The following CCDC7 variants were observed in gnomAD, a reference collection of about 807,000 sequenced individuals.
CCDC7 encodes the protein coiled-coil domain-containing protein 7.
Under a neutral mutation model 196.9 loss-of-function variants are expected in CCDC7, and 183 were observed. That is an observed-to-expected ratio of 0.93 (90% CI 0.82 to 1.05). The LOEUF is 1.05. CCDC7 is among the 50% of genes least tolerant of loss of function. CCDC7 has a pLI of 0.00. For synonymous variants in CCDC7, 525 were observed against 484.6 expected, an observed-to-expected ratio of 1.08 and a Z score of -1.10; for missense variants, 1,540 against 1,482.2, an observed-to-expected ratio of 1.04 and a Z score of -0.64.
At chr10:32,569,483 A>G (rs557572106) in intron 15 of CCDC7, among the ~76,000 whole-genome samples, 80 of 152,106 alleles carry the variant, frequency 5.3e-4, no homozygotes, top group Non-Finnish European at 5.1e-4. Flanking sequence ...CCAGAGTGCA[A>G]TGGTGTGATC....
chr10:32,591,720 C>T (rs2059799709), intron 18 of CCDC7, among the ~76,000 whole-genome samples: 1 of 152,094 alleles, frequency 6.6e-6, no homozygotes, highest in Non-Finnish European at 1.5e-5. Context: ...GGGAGTGCTG[C>T]CAGGGTGTTA....
intron 5 of CCDC7, among the ~76,000 whole-genome samples, chr10:32,468,644 C>T (rs2037332694): frequency 6.6e-6 from 1 of 152,082 alleles, no homozygotes; most frequent in South Asian, 2.1e-4. Context: ...GGAGAGGGCA[C>T]CTCAAGGAAT....
intron 20 of CCDC7, among the ~76,000 whole-genome samples, chr10:32,658,535 C>T (rs1320209813): frequency 6.6e-6 from 1 of 152,184 alleles, no homozygotes; most frequent in Non-Finnish European, 1.5e-5. Flanking sequence ...TGCTGGGTCC[C>T]TCCCATGACA....
At chr10:32,742,850 G>A (rs190759042) in intron 28 of CCDC7, among the ~76,000 whole-genome samples, 8 of 152,240 alleles carry the variant, frequency 5.3e-5, no homozygotes, top group East Asian at 1.9e-4. Flanking sequence ...AATTATCTCC[G>A]TGAGGGCATA....
upstream of CCDC7, among the ~76,000 whole-genome samples, chr10:32,445,778 T>G (rs953748080): frequency 6.6e-6 from 1 of 152,196 alleles, no homozygotes; most frequent in Non-Finnish European, 1.5e-5. Context: ...GGTAATGAAC[T>G]CCACAATACA....
intron 20 of CCDC7, among the ~76,000 whole-genome samples, chr10:32,654,486 T>C (rs188284868): frequency 2.4e-4 from 37 of 152,340 alleles, no homozygotes; most frequent in African/African-American, 8.7e-4. Flanking sequence ...GTTTTTGTTA[T>C]TTGTTTGATT....
intron 21 of CCDC7, among the ~76,000 whole-genome samples, chr10:32,684,610 C>A (rs2076251678): frequency 6.6e-6 from 1 of 152,214 alleles, no homozygotes; most frequent in Admixed American, 6.5e-5. Flanking sequence ...AGTTGAAGAG[C>A]CACTTGCCAC....
chr10:32,812,539 A>G (rs2087389836), intron 30 of CCDC7, among the ~76,000 whole-genome samples: 1 of 152,096 alleles, frequency 6.6e-6, no homozygotes, highest in Admixed American at 6.6e-5. Context: ...TACTTTTTAA[A>G]CTTGACTGTG....
At chr10:32,718,118 G>A (rs1425900595) in intron 25 of CCDC7, among the ~76,000 whole-genome samples, 1 of 152,040 alleles carries the variant, frequency 6.6e-6, no homozygotes, top group East Asian at 1.9e-4. Context: ...GATGAACATC[G>A]ATGCGAAAAT....
Position 32,663,658 on chromosome 10 carries a change from A to G in CCDC7, c.2015-396A>G, listed in dbSNP as rs575872568. Among the ~76,000 whole-genome samples the G allele has an allele frequency of 6.6e-5, 10 of 152,202 alleles. No individual in the cohort carries two copies. In the South Asian group the frequency reaches 1.2e-3, roughly 19 times the overall value. ...GATAATACCACAAATTATAATATAT[A>G]CCTTTTTATTAACCAATTTCATATG... is the stretch of plus-strand genomic sequence containing the variant. On this transcript the variant is annotated intron_variant, in intron 20 of 41. Transcript: ENST00000639629.
intron 28 of CCDC7, among the ~76,000 whole-genome samples, chr10:32,730,098 C>T (rs1044980935): frequency 6.6e-6 from 1 of 152,014 alleles, no homozygotes; most frequent in African/African-American, 2.4e-5. Context: ...ACCCATCATC[C>T]AGGTATTAAG....
chr10:32,792,783 G>C (rs1459552539), intron 29 of CCDC7, among the ~76,000 whole-genome samples: 1 of 152,176 alleles, frequency 6.6e-6, no homozygotes, highest in Admixed American at 6.5e-5. Flanking sequence ...CTGGGTGATG[G>C]AGCAAGACTC....
chr10:32,454,672 G>A (rs1175630978), intron 2 of CCDC7, among the ~76,000 whole-genome samples: 3 of 151,892 alleles, frequency 2.0e-5, no homozygotes, highest in South Asian at 2.1e-4. Context: ...TCAGCCCTTC[G>A]GATATCCCCT....
intron 32 of CCDC7, among the ~76,000 whole-genome samples, chr10:32,830,397 A>C (rs1376710075): frequency 6.6e-6 from 1 of 151,690 alleles, no homozygotes; most frequent in Non-Finnish European, 1.5e-5. Flanking sequence ...AGAAAAAAAA[A>C]CAGGAAGATG....
chr10:32,492,102 C>T (rs2990982), intron 9 of CCDC7, 105 bp downstream of exon 10: 187,087 of 1,122,854 alleles, frequency 0.17, 16,259 homozygotes, highest in East Asian at 0.26. Context: ...AAAGTTAGTA[C>T]GTGTTTATTG....
At chr10:32,680,766 A>T (rs1335068) in intron 21 of CCDC7, among the ~76,000 whole-genome samples, 6 of 152,020 alleles carry the variant, frequency 3.9e-5, no homozygotes, top group Non-Finnish European at 1.5e-5. Flanking sequence ...TGCTTAAAAA[A>T]TGTACTTCTT....
chr10:32,743,252 T>C (rs776644590), intron 28 of CCDC7, among the ~76,000 whole-genome samples: 12 of 152,272 alleles, frequency 7.9e-5, no homozygotes, highest in Admixed American at 2.0e-4. Flanking sequence ...GATGGGGTTG[T>C]TTGTTTTTTT....
At chr10:32,870,197 T>G (rs568710993) in intron 41 of CCDC7, among the ~76,000 whole-genome samples, 48 of 152,274 alleles carry the variant, frequency 3.2e-4, no homozygotes, top group Admixed American at 9.2e-4. Flanking sequence ...GTATGGCCAT[T>G]TTCACGATTC....
chr10:32,474,170 G>T, intron 8 of CCDC7, 147 bp downstream of exon 9: 9 of 287,862 alleles, frequency 3.1e-5, no homozygotes, highest in East Asian at 2.5e-4. Context: ...AGCAAGTATT[G>T]AAATTCTTAG....
Sources: gnomAD v4.1 joint callset for allele counts (sites outside exome capture counted in the v4.1 genomes callset) on GRCh38, gnomAD v4.1.1 for gene constraint, MANE v1.5 for transcripts, NCBI Gene and HGNC (gene_info 2026-07-23, HGNC 2026-07-21) for gene names.